The following TEAD4 variants were observed in gnomAD, a reference collection of about 807,000 sequenced individuals.
The protein encoded by TEAD4 is TEA domain transcription factor 4, also known as transcriptional enhancer factor TEF-3.
TEAD4 carries 36 observed loss-of-function variants against 52.4 expected under a neutral mutation model. The observed-to-expected ratio is 0.69, with a 90% CI of 0.53 to 0.91. The LOEUF is 0.91. Ranked by LOEUF, TEAD4 falls within the 40% of genes least tolerant of loss-of-function variation. The pLI is 0.00. For missense variants in TEAD4, 508 were observed against 583.9 expected, an observed-to-expected ratio of 0.87 and a Z score of 1.34; for synonymous variants, 220 against 231.0, an observed-to-expected ratio of 0.95 and a Z score of 0.43.
chr12:2,966,729 T>C (rs1229570289), intron 2 of TEAD4, among the ~76,000 whole-genome samples: 1 of 151,282 alleles, frequency 6.6e-6, no homozygotes, highest in Non-Finnish European at 1.5e-5. Flanking sequence ...TTTTTTGAGA[T>C]GGAGTCTCGC....
rs190123448 is a variant in TEAD4 at position 2,962,398 on chromosome 12, C to T, written c.-30+2358C>T. ...TTGCCTAGGCTGGAGTGCGATGGTG[C>T]GATCTCGGCTCACCACAACCTCTGC... On this transcript the variant is annotated intron_variant, in intron 2 of 12. Transcript: ENST00000359864. Among the ~76,000 whole-genome samples, 87 of 128,900 alleles carry T rather than the reference C, an allele frequency of 6.7e-4. No homozygotes were observed. In the East Asian group the frequency reaches 0.017, roughly 26 times the overall value. The allele number at this position is 128,900 out of a possible 152,430, so 84.6% of individuals were successfully genotyped here.
At chr12:2,974,558 G>A (rs1012746466) in intron 2 of TEAD4, among the ~76,000 whole-genome samples, 1 of 152,178 alleles carries the variant, frequency 6.6e-6, no homozygotes. Flanking sequence ...TGCTTAGGGC[G>A]TAGGGCTGGA....
intron 2 of TEAD4, among the ~76,000 whole-genome samples, chr12:2,976,196 C>G (rs530386254): frequency 6.6e-6 from 1 of 152,062 alleles, no homozygotes; most frequent in Non-Finnish European, 1.5e-5. Flanking sequence ...AGTAGACACA[C>G]CATTTTGTGT....
intron 3 of TEAD4, among the ~76,000 whole-genome samples, chr12:3,000,674 G>C (rs2098250980): frequency 6.6e-6 from 1 of 152,192 alleles, no homozygotes; most frequent in Non-Finnish European, 1.5e-5. Context: ...TCCAGGCAAG[G>C]GGGTGGAGAG....
chr12:2,997,871 A>T (rs1483761330), intron 3 of TEAD4, among the ~76,000 whole-genome samples: 2 of 151,804 alleles, frequency 1.3e-5, no homozygotes, highest in African/African-American at 4.8e-5. Context: ...ATAGTTTTTC[A>T]GTTTATAATT....
chr12:3,023,011 G>A (rs980296624), intron 10 of TEAD4, among the ~76,000 whole-genome samples: 2 of 152,158 alleles, frequency 1.3e-5, no homozygotes, highest in African/African-American at 2.4e-5. Flanking sequence ...TTATATAGAC[G>A]TTCAGATGGC....
intron 2 of TEAD4, among the ~76,000 whole-genome samples, chr12:2,981,052 T>C (rs934534166): frequency 2.0e-5 from 3 of 152,110 alleles, no homozygotes; most frequent in Non-Finnish European, 4.4e-5. Flanking sequence ...GGGGGCAGGA[T>C]TGGAGGAAGA....
chr12:2,992,216 G>A (rs901836398), intron 2 of TEAD4, among the ~76,000 whole-genome samples: 1 of 151,552 alleles, frequency 6.6e-6, no homozygotes, highest in Non-Finnish European at 1.5e-5. Flanking sequence ...GCGGGGTTTC[G>A]CCATGTTGGC....
chr12:2,994,639 G>T lies in TEAD4; in HGVS notation c.-29-99G>T. 1 of 1,417,322 alleles carries T rather than the reference G, an allele frequency of 7.1e-7. No homozygotes were observed. Among genetic ancestry groups the T allele is most frequent in the South Asian group, 1.5e-5 (1 of 67,380 alleles). 87.8% of individuals were successfully genotyped at this position (1,417,322 alleles called of 1,614,324 possible). On this transcript the variant is annotated intron_variant, in intron 2 of 12. Transcript: ENST00000359864. The surrounding 1 kb of genome is among the most constrained non-coding windows in gnomAD (Gnocchi z 4.7). ...TTTCACTTCACGCTTTGCTTCCTGA[G>T]CAACTGATTCGGGCTCTGGCACTCC... is the stretch of plus-strand genomic sequence containing the variant.
intron 10 of TEAD4, among the ~76,000 whole-genome samples, chr12:3,036,162 C>T (rs767258966): frequency 2.6e-5 from 4 of 152,264 alleles, no homozygotes; most frequent in South Asian, 4.1e-4. Flanking sequence ...TCATCAAAGC[C>T]GAGGCAGGTG....
In TEAD4 at chr12:2,974,125, C is replaced by T. The variant is rs180747409; in HGVS notation, c.-30+14085C>T. On this transcript the variant is annotated intron_variant, in intron 2 of 12. Coordinates refer to ENST00000359864, the MANE Select transcript of TEAD4 (RefSeq NM_003213.4). Reference sequence around the variant, plus strand: ...CAGGTTTTCAAGGTGCCTTAGCCTCCCGAGTAGCTGGAATTACAGGCTTGA... The same window carrying T: ...CAGGTTTTCAAGGTGCCTTAGCCTCTCGAGTAGCTGGAATTACAGGCTTGA... 6.2e-4 allele frequency among the ~76,000 whole-genome samples: 94 copies of T among 152,220 alleles called. No individual in the cohort carries two copies. In the East Asian group the frequency reaches 0.015, roughly 24 times the overall value.
At chr12:3,017,635 C>G (rs997126083) in intron 6 of TEAD4, 109 bp downstream of exon 6, 55 of 1,419,888 alleles carry the variant, frequency 3.9e-5, no homozygotes, top group Non-Finnish European at 4.6e-5. Context: ...TCACCTGAGT[C>G]CTCTTGGCCA....
At chr12:2,997,221 G>A (rs2098247967) in intron 3 of TEAD4, among the ~76,000 whole-genome samples, 1 of 152,190 alleles carries the variant, frequency 6.6e-6, no homozygotes, top group Admixed American at 6.5e-5. Flanking sequence ...AGAATGGGAT[G>A]AAGAAGAGTG....
chr12:3,002,829 C>T (rs1243714809), intron 3 of TEAD4, among the ~76,000 whole-genome samples: 1 of 152,162 alleles, frequency 6.6e-6, no homozygotes, highest in Non-Finnish European at 1.5e-5. Flanking sequence ...CTTCTTGGGG[C>T]TTCCTGGAGC....
At chr12:2,963,075 C>A (rs947402872) in intron 2 of TEAD4, among the ~76,000 whole-genome samples, 1 of 152,204 alleles carries the variant, frequency 6.6e-6, no homozygotes, top group Non-Finnish European at 1.5e-5. Flanking sequence ...GGGGAAGGAG[C>A]CATCTCACTG....
rs1381653815 is a variant in TEAD4, at chr12:3,037,960, C to G, written c.898-8C>G. ...ACACTCCCTCGCCTTCCCACTGTCT[C>G]CCTCCAGGCAGACCTCAACACCAAC... On this transcript the variant is annotated splice_region_variant and splice_polypyrimidine_tract_variant and intron_variant, in intron 10 of 12. Coordinates refer to ENST00000359864, the MANE Select transcript of TEAD4 (RefSeq NM_003213.4). The G allele has an allele frequency of 6.2e-7, 1 of 1,610,900 alleles. No individual in the cohort carries two copies. The highest frequency in any genetic ancestry group is 8.5e-7 in the Non-Finnish European group (1 of 1,177,914).
At chr12:2,969,843 C>T (rs112109554) in intron 2 of TEAD4, among the ~76,000 whole-genome samples, 33 of 152,310 alleles carry the variant, frequency 2.2e-4, no homozygotes, top group African/African-American at 7.7e-4. Flanking sequence ...GATGACCCCC[C>T]ACAACCCCAG....
At chr12:2,966,956 C>A (rs898514468) in intron 2 of TEAD4, among the ~76,000 whole-genome samples, 1 of 152,184 alleles carries the variant, frequency 6.6e-6, no homozygotes, top group African/African-American at 2.4e-5. Context: ...ATCCACCTGC[C>A]TTGGCCTCCC....
intron 2 of TEAD4, among the ~76,000 whole-genome samples, chr12:2,966,305 G>C (rs375034073): frequency 2.6e-5 from 4 of 152,106 alleles, no homozygotes; most frequent in Admixed American, 6.5e-5. Context: ...AGAGGTCCCC[G>C]TGATGTGCCG....
Sources: gnomAD v4.1 joint callset for allele counts (sites outside exome capture counted in the v4.1 genomes callset) on GRCh38, gnomAD v4.1.1 for gene constraint, Gnocchi (gnomAD v3.1) non-coding constraint, MANE v1.5 for transcripts, NCBI Gene and HGNC (gene_info 2026-07-23, HGNC 2026-07-21) for gene names.